The following ABLIM1 variants were observed in gnomAD, a reference collection of about 807,000 sequenced individuals.
ABLIM1 encodes the protein actin-binding LIM protein 1.
Under a neutral mutation model 107.0 loss-of-function variants are expected in ABLIM1, and 40 were observed. The ratio of observed to expected loss-of-function variants is 0.37; its 90% CI spans 0.29 to 0.49. The LOEUF (loss-of-function observed/expected upper bound fraction) is 0.49, where lower values mean the gene tolerates loss of function less well. Among genes scored for constraint, ABLIM1 ranks in the 20% least tolerant of loss-of-function variants. The probability of loss-of-function intolerance (pLI) is 0.97; values close to 1 mark genes in which losing one functional copy is unlikely to be tolerated. For synonymous variants in ABLIM1, 357 were observed against 357.3 expected (o/e 1.00, Z 0.01); for missense variants, 857 against 1,008.5 (o/e 0.85, Z 2.04).
At chr10:114,570,077 C>A (rs1363428819) in intron 4 of ABLIM1, among the ~76,000 whole-genome samples, 2 of 152,190 alleles carry the variant, frequency 1.3e-5, no homozygotes, top group Admixed American at 6.5e-5. Context: ...TGGTTTATCT[C>A]ATCCTTACGT....
At chr10:114,531,336 A>G (rs1429823279) in intron 6 of ABLIM1, among the ~76,000 whole-genome samples, 1 of 152,190 alleles carries the variant, frequency 6.6e-6, no homozygotes, top group East Asian at 1.9e-4. Context: ...AAGCCTGTAC[A>G]AGGTAAGTAT....
At chr10:114,621,150 T>G (rs1387838540) in intron 1 of ABLIM1, among the ~76,000 whole-genome samples, 2 of 152,338 alleles carry the variant, frequency 1.3e-5, no homozygotes, top group East Asian at 3.9e-4. Context: ...CCTCTTTTTA[T>G]CCACTATTGC....
chr10:114,451,644 G>A lies in ABLIM1; in HGVS notation c.1574C>T (p.Pro525Leu), dbSNP rs779661867. The change falls in exon 14 of 23, where the codon CCA becomes CTA. Residue 525 changes from proline (P) to leucine (L), a missense_variant. By Grantham distance (98) the Pro-to-Leu change is moderately conservative. Around this residue, in one of 5 missense-constraint regions of ABLIM1, gnomAD observed 103 missense variants for 101.0 expected, o/e 1.02. Transcript: ENST00000533213. ...PDQGINIYRK[P>L]PIYKQHAALA... is the part of the protein sequence containing the mutation. ...TTTACCATGCTGTTTGTAGATGGGT[G>A]GCTTTCGGTAAATGTTGATTCCTTG... The A allele has an allele frequency of 1.2e-6, 2 of 1,613,284 alleles. No individual in the cohort carries two copies. The highest frequency in any genetic ancestry group is 1.3e-5 in the African/African-American group (1 of 74,958).
Position 114,473,872 on chromosome 10 carries a change from T to C in ABLIM1, c.1119+7A>G. Reference sequence around the variant, plus strand: ...CAGAAATGTCACTTCCAGAAGTAGATACTTACATAGATAGTATGACCTGGT... The same window carrying C: ...CAGAAATGTCACTTCCAGAAGTAGACACTTACATAGATAGTATGACCTGGT... On this transcript the variant is annotated splice_region_variant and intron_variant, in intron 9 of 22. Transcript: ENST00000533213. 3 of 1,604,828 alleles carry C rather than the reference T, an allele frequency of 1.9e-6. No individual in the cohort carries two copies. Among genetic ancestry groups the C allele is most frequent in the Non-Finnish European group, 2.6e-6 (3 of 1,172,170 alleles).
chr10:114,653,423 G>T (rs1348634431), intron 1 of ABLIM1, among the ~76,000 whole-genome samples: 1 of 152,036 alleles, frequency 6.6e-6, no homozygotes, highest in Non-Finnish European at 1.5e-5. Flanking sequence ...ATGCGCCTGT[G>T]GTTCCAGCTA....
intron 1 of ABLIM1, among the ~76,000 whole-genome samples, chr10:114,608,481 C>A (rs2076576766): frequency 6.6e-6 from 1 of 151,688 alleles, no homozygotes; most frequent in African/African-American, 2.4e-5. Flanking sequence ...ATCAGCCTGA[C>A]CAACATAGAG....
At chr10:114,579,613 A>G (rs1417756249) in intron 2 of ABLIM1, among the ~76,000 whole-genome samples, 1 of 152,316 alleles carries the variant, frequency 6.6e-6, no homozygotes, top group East Asian at 1.9e-4. Context: ...AAAATTTACC[A>G]TCTTAATCAT....
At chr10:114,476,593 G>T (rs1054359246) in intron 8 of ABLIM1, among the ~76,000 whole-genome samples, 2 of 151,404 alleles carry the variant, frequency 1.3e-5, no homozygotes, top group East Asian at 1.9e-4. Context: ...GCAGTGAACC[G>T]AGATTGTGCC....
chr10:114,686,406 A>G (rs1344663451), upstream of ABLIM1, among the ~76,000 whole-genome samples: 3 of 151,810 alleles, frequency 2.0e-5, no homozygotes, highest in Non-Finnish European at 4.4e-5. Context: ...CTAGCTACTC[A>G]GGAGGCTGAG....
Position 114,507,518 on chromosome 10 carries a change from C to T in ABLIM1, c.895-15640G>A, listed in dbSNP as rs529408230. 1.2e-4 allele frequency among the ~76,000 whole-genome samples: 19 copies of T among 152,320 alleles called. No homozygotes were observed. In the East Asian group the frequency reaches 2.1e-3, roughly 17 times the overall value. On this transcript the variant is annotated intron_variant, in intron 6 of 22. Coordinates refer to ENST00000533213, the MANE Select transcript of ABLIM1 (RefSeq NM_002313.7). ...AATTCACATTCCAGACCTCTACATGCTGGGTGGGTGCCTGCCCTGCCCCAA... is the reference window on the plus strand; with the variant it reads ...AATTCACATTCCAGACCTCTACATGTTGGGTGGGTGCCTGCCCTGCCCCAA...
At chr10:114,639,298 T>C (rs1398296938) in intron 1 of ABLIM1, among the ~76,000 whole-genome samples, 3 of 152,204 alleles carry the variant, frequency 2.0e-5, no homozygotes, top group African/African-American at 7.2e-5. Flanking sequence ...ACCCACACCC[T>C]GGTTTGTGGA....
chr10:114,708,327 C>T (rs978652575), intron 1 of ABLIM1, among the ~76,000 whole-genome samples: 2 of 152,130 alleles, frequency 1.3e-5, no homozygotes, highest in Non-Finnish European at 2.9e-5. Context: ...GAAAAACAGC[C>T]GCTGTTTCCC....
chr10:114,526,989 G>T, intron 6 of ABLIM1: 1 of 984,708 alleles, frequency 1.0e-6, no homozygotes, highest in Non-Finnish European at 1.2e-6. Flanking sequence ...CCCAAAAAAG[G>T]AGGGGGAGTA....
intron 1 of ABLIM1, among the ~76,000 whole-genome samples, chr10:114,703,718 T>C (rs1200838188): frequency 2.0e-5 from 3 of 152,252 alleles, no homozygotes; most frequent in Admixed American, 6.5e-5. Context: ...AAATGCTTTT[T>C]GGCCTTTGTT....
intron 8 of ABLIM1, among the ~76,000 whole-genome samples, chr10:114,474,800 C>T (rs1229055169): frequency 1.3e-5 from 2 of 152,178 alleles, no homozygotes; most frequent in Admixed American, 6.5e-5. Context: ...CCCCACGTGT[C>T]AAGGATAGGT....
At chr10:114,599,155 T>C (rs575253424) in intron 2 of ABLIM1, among the ~76,000 whole-genome samples, 2 of 152,332 alleles carry the variant, frequency 1.3e-5, no homozygotes, top group East Asian at 1.9e-4. Context: ...TTTATAAGGA[T>C]AGATGACTCA....
chr10:114,746,279 A>C (rs1329414160), intron 1 of ABLIM1, among the ~76,000 whole-genome samples: 1 of 151,650 alleles, frequency 6.6e-6, no homozygotes, highest in African/African-American at 2.4e-5. Flanking sequence ...CCACCATTCT[A>C]CTCTCTGCTT....
chr10:114,704,675 G>C (rs111299732), intron 1 of ABLIM1, among the ~76,000 whole-genome samples: 1 of 151,866 alleles, frequency 6.6e-6, no homozygotes, highest in Non-Finnish European at 1.5e-5. Context: ...CAGAGAAAAT[G>C]TCTCTCCCTT....
intron 2 of ABLIM1, among the ~76,000 whole-genome samples, chr10:114,584,135 A>AAAAAGAAAAG (rs59128795): frequency 0.31 from 45,575 of 149,082 alleles, 7,630 homozygotes; most frequent in Middle Eastern, 0.38. Flanking sequence ...AAAATTAAGA[A>AAAAAGAAAAG]AAAAGAAAAG....
Sources: gnomAD v4.1 joint callset for allele counts (sites outside exome capture counted in the v4.1 genomes callset) on GRCh38, gnomAD v4.1.1 for gene constraint, gnomAD v4.1.1 regional missense constraint, MANE v1.5 for transcripts, NCBI Gene and HGNC (gene_info 2026-07-23, HGNC 2026-07-21) for gene names.